The following GTF2H5 variants were observed in gnomAD, a reference collection of about 807,000 sequenced individuals.
GTF2H5 encodes the protein TFB5 ortholog.
GTF2H5 carries 5 observed loss-of-function variants against 7.1 expected under a neutral mutation model. The observed-to-expected ratio is 0.71, with a 90% CI of 0.37 to 1.49. GTF2H5 has a LOEUF of 1.49. Among genes scored for constraint, GTF2H5 ranks in the 40% most tolerant of loss-of-function variants. The probability of loss-of-function intolerance (pLI) is 0.03; values close to 1 mark genes in which losing one functional copy is unlikely to be tolerated. For missense variants in GTF2H5, 80 were observed against 83.0 expected (o/e 0.96, Z 0.14); for synonymous variants, 30 against 31.7 (o/e 0.95, Z 0.18).
chr6:158,178,803 G>A (rs1206113503), intron 2 of GTF2H5, among the ~76,000 whole-genome samples: 7 of 152,182 alleles, frequency 4.6e-5, no homozygotes, highest in Non-Finnish European at 1.0e-4. Flanking sequence ...TAGGTTGCCT[G>A]TTCACTCTGA....
chr6:158,169,381 T>C (rs1282585815), intron 1 of GTF2H5, among the ~76,000 whole-genome samples: 3 of 94,184 alleles, frequency 3.2e-5, no homozygotes, highest in Non-Finnish European at 5.4e-5. Flanking sequence ...ATGTATATTA[T>C]ATATTATATA....
At chr6:158,185,486 A>C (rs1425587249) in intron 2 of GTF2H5, among the ~76,000 whole-genome samples, 1 of 151,178 alleles carries the variant, frequency 6.6e-6, no homozygotes, top group Non-Finnish European at 1.5e-5. Context: ...GGCTGCAGTG[A>C]ATTGGGATTG....
At chr6:158,186,881 T>C (rs531823400) in intron 2 of GTF2H5, among the ~76,000 whole-genome samples, 2 of 152,332 alleles carry the variant, frequency 1.3e-5, no homozygotes, top group African/African-American at 4.8e-5. Context: ...GAAAGGAATG[T>C]GTGGGTTAAG....
In GTF2H5 at chr6:158,192,877, TG is replaced by T. The variant is rs1314125664; in HGVS notation, c.*722del. On this transcript the variant is annotated 3_prime_UTR_variant, in exon 3 of 3. Transcript: ENST00000607778. ...TTGCTACAAAAACACCATTGCACTCTGGCCTGGACAACAGAGAGACCCTGCC... is the reference window on the plus strand; with the variant it reads ...TTGCTACAAAAACACCATTGCACTCTGCCTGGACAACAGAGAGACCCTGCC... 3 of 116,354 alleles carry T rather than the reference TG, an allele frequency of 2.6e-5. No individual in the cohort carries two copies. Among genetic ancestry groups the T allele is most frequent in the Non-Finnish European group, 4.9e-5 (3 of 61,762 alleles). 7.2% of individuals were successfully genotyped at this position (116,354 alleles called of 1,614,324 possible).
At chr6:158,172,705 A>T (rs1204411486) in intron 2 of GTF2H5, among the ~76,000 whole-genome samples, 10 of 151,998 alleles carry the variant, frequency 6.6e-5, no homozygotes, top group Admixed American at 6.6e-4. Flanking sequence ...TTAATCACAT[A>T]ATTTTACTCC....
intron 2 of GTF2H5, chr6:158,190,515 A>G (rs1010707778): frequency 3.0e-6 from 1 of 329,714 alleles, no homozygotes; most frequent in Non-Finnish European, 5.9e-6. Context: ...CCCAGCAGCC[A>G]ATATGATCCT....
chr6:158,169,463 T>A (rs183073200), intron 1 of GTF2H5, among the ~76,000 whole-genome samples: 1 of 67,758 alleles, frequency 1.5e-5, no homozygotes, highest in South Asian at 4.5e-4. Context: ...TTATATATAT[T>A]ATATTGTATA....
chr6:158,181,520 G>C (rs1786010040), intron 2 of GTF2H5, among the ~76,000 whole-genome samples: 1 of 152,128 alleles, frequency 6.6e-6, no homozygotes, highest in South Asian at 2.1e-4. Flanking sequence ...CTCTTTGTAG[G>C]TCTCTAAGAA....
At chr6:158,179,433 G>A (rs560753984) in intron 2 of GTF2H5, among the ~76,000 whole-genome samples, 3 of 152,224 alleles carry the variant, frequency 2.0e-5, no homozygotes, top group African/African-American at 7.2e-5. Context: ...AAATTACTTT[G>A]GGCAGTAAGG....
chr6:158,198,225 G>A lies in GTF2H5; in HGVS notation c.*6068G>A, dbSNP rs921523674. ...AGCATTGGGTAGCTAGTCCACCAGC[G>A]GTCTGATGCTTTCATTGATCTCAAA... On this transcript the variant is annotated 3_prime_UTR_variant, in exon 3 of 3. Transcript: ENST00000607778. 2.6e-5 allele frequency: 4 copies of A among 152,102 alleles called. No homozygotes were observed. Among genetic ancestry groups the A allele is most frequent in the African/African-American group, 9.7e-5 (4 of 41,414 alleles). 9.4% of individuals were successfully genotyped at this position (152,102 alleles called of 1,614,324 possible).
chr6:158,178,682 A>G (rs1425329842), intron 2 of GTF2H5, among the ~76,000 whole-genome samples: 2 of 151,800 alleles, frequency 1.3e-5, no homozygotes, highest in Non-Finnish European at 2.9e-5. Context: ...TCCTTTGCCC[A>G]TTTTCTGATG....
At chr6:158,177,332 T>C (rs1203662209) in intron 2 of GTF2H5, among the ~76,000 whole-genome samples, 1 of 152,164 alleles carries the variant, frequency 6.6e-6, no homozygotes, top group African/African-American at 2.4e-5. Context: ...GCTCTTTGGC[T>C]CCCTATGTAA....
chr6:158,183,080 G>A (rs1368044310), intron 2 of GTF2H5, among the ~76,000 whole-genome samples: 1 of 152,060 alleles, frequency 6.6e-6, no homozygotes, highest in Non-Finnish European at 1.5e-5. Context: ...GTCCTTTTTG[G>A]TGATGTTGAT....
At chr6:158,171,967 C>T (rs1323448670) in intron 2 of GTF2H5, among the ~76,000 whole-genome samples, 3 of 152,282 alleles carry the variant, frequency 2.0e-5, no homozygotes, top group African/African-American at 7.2e-5. Context: ...ATTAATTTGA[C>T]ATAACATAAA....
At position 158,175,047 on chromosome 6, in the gene GTF2H5, TAC is replaced by T. The variant is rs1157220845; in HGVS notation, c.35+4523_35+4524del. Among the ~76,000 whole-genome samples, 283 of 150,566 alleles carry T rather than the reference TAC, an allele frequency of 1.9e-3. 2 individuals carry two copies. The highest frequency in any genetic ancestry group is 5.7e-3 in the African/African-American group (232 of 40,924). On this transcript the variant is annotated intron_variant, in intron 2 of 2. Coordinates refer to ENST00000607778, the MANE Select transcript of GTF2H5 (RefSeq NM_207118.3). ...GTGTGTGTGTGTGTGTGTGTGTGTA[TAC>T]ACACACACACACATACACATATATA...
intron 2 of GTF2H5, among the ~76,000 whole-genome samples, chr6:158,174,313 A>G (rs569683345): frequency 6.6e-6 from 1 of 152,254 alleles, no homozygotes; most frequent in Non-Finnish European, 1.5e-5. Context: ...TAACTGCCAT[A>G]TTTAAACTCC....
In GTF2H5 at chr6:158,192,381, C is replaced by T. The variant is rs904006640; in HGVS notation, c.*224C>T. On this transcript the variant is annotated 3_prime_UTR_variant, in exon 3 of 3. Coordinates refer to ENST00000607778, the MANE Select transcript of GTF2H5 (RefSeq NM_207118.3). ...GCTTTAACAGTTGGCTGTAATTTGG[C>T]TTTTATTATCCTTTATTAAAATACA... The T allele has an allele frequency of 3.7e-5, 19 of 508,790 alleles. No homozygotes were observed. The highest frequency in any genetic ancestry group is 6.0e-5 in the Non-Finnish European group (17 of 283,458). The allele number at this position is 508,790 out of a possible 1,614,324, so 31.5% of individuals were successfully genotyped here. A position where few individuals can be genotyped will look rare whatever the true frequency, so the allele number is the denominator to read the frequency against.
At chr6:158,184,095 T>C (rs1361761089) in intron 2 of GTF2H5, among the ~76,000 whole-genome samples, 1 of 152,234 alleles carries the variant, frequency 6.6e-6, no homozygotes, top group African/African-American at 2.4e-5. Context: ...CTTGGTTTGA[T>C]ACTTAGATTT....
intron 2 of GTF2H5, among the ~76,000 whole-genome samples, chr6:158,180,832 A>ATTTT (rs143921455): frequency 8.8e-4 from 121 of 137,800 alleles, no homozygotes; most frequent in Admixed American, 6.2e-3. Context: ...GGATTCATTG[A>ATTTT]TTTTTTTTTT....
Sources: gnomAD v4.1 joint callset for allele counts (sites outside exome capture counted in the v4.1 genomes callset) on GRCh38, gnomAD v4.1.1 for gene constraint, MANE v1.5 for transcripts, NCBI Gene and HGNC (gene_info 2026-07-23, HGNC 2026-07-21) for gene names.